Variants in PXN observed in about 807,000 individuals in gnomAD.
PXN encodes the protein testicular tissue protein Li 134.
In PXN, 61 loss-of-function variants were observed where a neutral mutation model predicts 103.6. The observed-to-expected ratio is 0.59, with a 90% CI of 0.48 to 0.73. The LOEUF (loss-of-function observed/expected upper bound fraction) is 0.73. PXN is among the 30% of genes least tolerant of loss of function. The probability of loss-of-function intolerance (pLI) is 0.00; values close to 1 mark genes in which losing one functional copy is unlikely to be tolerated. For synonymous variants in PXN, 562 were observed against 607.8 expected (o/e 0.92, Z 1.11); for missense variants, 1,274 against 1,460.3 (o/e 0.87, Z 2.08).
intron 1 of PXN, among the ~76,000 whole-genome samples, chr12:120,238,529 G>C (rs554747394): frequency 6.6e-5 from 10 of 152,326 alleles, no homozygotes; most frequent in African/African-American, 2.4e-4. Context: ...TTTATTGCAG[G>C]AGACACTCTG....
At chr12:120,244,995 A>G (rs1243850555) in intron 1 of PXN, among the ~76,000 whole-genome samples, 1 of 151,878 alleles carries the variant, frequency 6.6e-6, no homozygotes, top group Non-Finnish European at 1.5e-5. Flanking sequence ...GGGAGCTCCA[A>G]GAGGTGGGCT....
intron 1 of PXN, chr12:120,226,304 G>A: frequency 1.6e-6 from 2 of 1,289,184 alleles, no homozygotes; most frequent in Middle Eastern, 2.1e-4. Context: ...CCAGTAGGGG[G>A]CAGGAGCAGC....
chr12:120,216,968 C>G lies in PXN; in HGVS notation c.1865G>C (p.Gly622Ala). 1 of 1,541,078 alleles carries G rather than the reference C, an allele frequency of 6.5e-7. No homozygotes were observed. Among genetic ancestry groups the G allele is most frequent in the Non-Finnish European group, 8.7e-7 (1 of 1,149,568 alleles). The stretch of plus-strand genomic sequence containing the variant: ...CGGCTCCTCTGCCTCAGGCTGGATG[C>G]CCAGCCGCCCCTGCAGCTCCGCGAT... ...QLIAELQGRL[G>A]IQPEAEEPAE... Residue 622 changes from glycine (G) to alanine (A), a missense_variant, in exon 8 of 15, where the codon GGC becomes GCC. Gly to Ala is a moderately conservative substitution (Grantham distance 60). Transcript: ENST00000637617. The surrounding 1 kb of genome is among the most constrained non-coding windows in gnomAD (Gnocchi z 5.1).
At chr12:120,260,033 G>A (rs1893629956) in intron 1 of PXN, among the ~76,000 whole-genome samples, 1 of 152,182 alleles carries the variant, frequency 6.6e-6, no homozygotes, top group South Asian at 2.1e-4. Flanking sequence ...AGAGGAGGTG[G>A]CAAGGGACCA....
At chr12:120,240,122 C>A (rs1370634502) in intron 1 of PXN, among the ~76,000 whole-genome samples, 1 of 152,110 alleles carries the variant, frequency 6.6e-6, no homozygotes, top group East Asian at 1.9e-4. Flanking sequence ...ATAATAACTG[C>A]CCCTTATATA....
intron 1 of PXN, among the ~76,000 whole-genome samples, chr12:120,244,826 CAAAT>C (rs1175399458): frequency 2.0e-5 from 3 of 150,356 alleles, no homozygotes; most frequent in South Asian, 2.1e-4. Flanking sequence ...TGTCTCAAAA[CAAAT>C]AAATAAATAA....
rs767381103 is a variant in PXN, at chr12:120,216,861, C to A, written c.1972G>T (p.Gly658Trp). 1 of 1,510,502 alleles carries A rather than the reference C, an allele frequency of 6.6e-7. No homozygotes were observed. The highest frequency in any genetic ancestry group is 1.3e-5 in the South Asian group (1 of 79,054). The allele number at this position is 1,510,502 out of a possible 1,614,324, so 93.6% of individuals were successfully genotyped here. A position where few individuals can be genotyped will look rare whatever the true frequency, so the allele number is the denominator to read the frequency against. Residue 658 changes from glycine (G) to tryptophan (W), a missense_variant, in exon 8 of 15, where the codon GGG becomes TGG. Physicochemically the swap from Gly to Trp is radical, Grantham distance 184. Transcript: ENST00000637617. This position sits in a 1 kb window ranked among gnomAD's most constrained non-coding sequence, Gnocchi z 5.1. Reference sequence around the variant, plus strand: ...GCCACCTTCTCTACGAGCTGCCCCCCGGCCCGCTTCCCACGTGGCTGCACA... The same window carrying A: ...GCCACCTTCTCTACGAGCTGCCCCCAGGCCCGCTTCCCACGTGGCTGCACA... ...ITVQPRGKRA[G>W]GQLVEKVVFP...
chr12:120,215,039 C>G lies in PXN; in HGVS notation c.2575-41G>C, dbSNP rs541272967. The G allele has an allele frequency of 6.2e-7, 1 of 1,603,754 alleles. No homozygotes were observed. The highest frequency in any genetic ancestry group is 8.5e-7 in the Non-Finnish European group (1 of 1,175,188). ...AATGCGGTCCAGGGCCAAGGCCAGC[C>G]CCGGAGCACCCCCACCCCTGCAGGA... On this transcript the variant is annotated intron_variant, in intron 11 of 14. Transcript: ENST00000637617. This position sits in a 1 kb window ranked among gnomAD's most constrained non-coding sequence, Gnocchi z 4.9.
Position 120,225,991 on chromosome 12 carries a change from A to T in PXN, c.14-1614T>A, listed in dbSNP as rs989103573. 1.0e-6 allele frequency: 1 copy of T among 981,168 alleles called. No homozygotes were observed. The highest frequency in any genetic ancestry group is 1.3e-6 in the Non-Finnish European group (1 of 794,288). 60.8% of individuals were successfully genotyped at this position (981,168 alleles called of 1,614,324 possible). On this transcript the variant is annotated intron_variant, in intron 1 of 14. Transcript: ENST00000637617. This position sits in a 1 kb window ranked among gnomAD's most constrained non-coding sequence, Gnocchi z 4.4. ...GGTCTGGTCGCCTGACCTCCAAGGAAGTTCAGGTCCTACAGCCCGCCCCGC... is the reference window on the plus strand; with the variant it reads ...GGTCTGGTCGCCTGACCTCCAAGGATGTTCAGGTCCTACAGCCCGCCCCGC...
chr12:120,258,442 G>C (rs35871332), intron 1 of PXN, among the ~76,000 whole-genome samples: 1 of 151,930 alleles, frequency 6.6e-6, no homozygotes, highest in Non-Finnish European at 1.5e-5. Context: ...GTCACCTGAG[G>C]CCCCCCCAGC....
In PXN at chr12:120,214,857, G is replaced by A. The variant is rs1010415239; in HGVS notation, c.2716C>T (p.Arg906Cys). 4.3e-6 allele frequency: 7 copies of A among 1,613,876 alleles called. No homozygotes were observed. Among genetic ancestry groups the A allele is most frequent in the Middle Eastern group, 1.6e-4 (1 of 6,084 alleles). The change falls in exon 12 of 15, where the codon CGC becomes TGC. Residue 906 changes from arginine (R) to cysteine (C), a missense_variant. Around this residue, in one of 2 missense-constraint regions of PXN, gnomAD observed 1,178 missense variants for 1,309.0 expected, o/e 0.90. Transcript: ENST00000637617. This position sits in a 1 kb window ranked among gnomAD's most constrained non-coding sequence, Gnocchi z 5.0. ...EKDYHNLFSP[R>C]CYYCNGPILD... ...ATGGGGCCGTTGCAGTAGTAGCAGCGCGGGGAGAAGAGGTTGTGGTAGTCC... is the reference window on the plus strand; with the variant it reads ...ATGGGGCCGTTGCAGTAGTAGCAGCACGGGGAGAAGAGGTTGTGGTAGTCC...
Position 120,214,890 on chromosome 12 carries a change from A to G in PXN, c.2683T>C (p.Cys895Arg). The part of the protein sequence containing the change: ...NFFERDGQPY[C>R]EKDYHNLFSP... ...AAGAGGTTGTGGTAGTCCTTTTCAC[A>G]GTAGGGCTGTCCATCCCGCTCGAAG... Residue 895 changes from cysteine to arginine, a missense_variant, in exon 12 of 15, where the codon TGT (cysteine) becomes CGT (arginine). Coordinates refer to ENST00000637617, the MANE Select transcript of PXN (RefSeq NM_001385981.1). The surrounding 1 kb of genome is among the most constrained non-coding windows in gnomAD (Gnocchi z 5.0). The G allele has an allele frequency of 6.2e-7, 1 of 1,614,018 alleles. No individual in the cohort carries two copies. Among genetic ancestry groups the G allele is most frequent in the Non-Finnish European group, 8.5e-7 (1 of 1,179,866 alleles).
rs1185088173 is a variant in PXN, at chr12:120,265,695, C to T, written c.-66G>A. On this transcript the variant is annotated 5_prime_UTR_variant, in exon 1 of 15. Transcript: ENST00000637617. This position sits in a 1 kb window ranked among gnomAD's most constrained non-coding sequence, Gnocchi z 5.7. ...CCGTCCCGGGGCCGCTCGTCTATGCCCCGCAACTTTTCCGCCGCGAGCCTC... is the reference window on the plus strand; with the variant it reads ...CCGTCCCGGGGCCGCTCGTCTATGCTCCGCAACTTTTCCGCCGCGAGCCTC... 3.8e-6 allele frequency: 5 copies of T among 1,310,920 alleles called. No homozygotes were observed. Among genetic ancestry groups the T allele is most frequent in the Non-Finnish European group, 4.9e-6 (5 of 1,025,340 alleles). The allele number at this position is 1,310,920 out of a possible 1,614,324, so 81.2% of individuals were successfully genotyped here.
rs1406406669 is a variant in PXN at position 120,212,556 on chromosome 12, C to T, written c.3004G>A (p.Gly1002Ser). 8.1e-6 allele frequency: 13 copies of T among 1,613,038 alleles called. No homozygotes were observed. The highest frequency in any genetic ancestry group is 1.1e-5 in the South Asian group (1 of 91,048). The change falls in exon 15 of 15, where the codon GGC (glycine) becomes AGC (serine). Residue 1002 changes from glycine to serine, a missense_variant. Physicochemically the swap from Gly to Ser is moderately conservative, Grantham distance 56. Around this residue, in one of 2 missense-constraint regions of PXN, gnomAD observed 96 missense variants for 151.3 expected, o/e 0.63. Transcript: ENST00000637617. This position sits in a 1 kb window ranked among gnomAD's most constrained non-coding sequence, Gnocchi z 7.2. ...CRECFTPFVN[G>S]SFFEHDGQPY... ...TGCCCGTCGTGCTCGAAGAAGCTGCCGTTCACGAATGGCGTGAAGCATTCC... is the reference window on the plus strand; with the variant it reads ...TGCCCGTCGTGCTCGAAGAAGCTGCTGTTCACGAATGGCGTGAAGCATTCC...
chr12:120,239,155 TG>T (rs1296398587), intron 1 of PXN, among the ~76,000 whole-genome samples: 1 of 152,116 alleles, frequency 6.6e-6, no homozygotes, highest in African/African-American at 2.4e-5. Context: ...TTTTAAAGGG[TG>T]GAAGTTTCTG....
Position 120,214,934 on chromosome 12 carries a change from T to C in PXN, c.2639A>G (p.Glu880Gly). Residue 880 changes from glutamate (E) to glycine (G), a missense_variant, in exon 12 of 15, where the codon GAG becomes GGG. Glu to Gly is a moderately conservative substitution (Grantham distance 98, BLOSUM62 -2). Transcript: ENST00000637617. The surrounding 1 kb of genome is among the most constrained non-coding windows in gnomAD (Gnocchi z 5.0). The part of the protein sequence containing the change: ...EHFVCTHCQE[E>G]IGSRNFFERD... Reference sequence around the variant, plus strand: ...CTCGAAGAAGTTCCGGGATCCGATCTCCTCCTGGCAGTGGGTGCAGACGAA... The same window carrying C: ...CTCGAAGAAGTTCCGGGATCCGATCCCCTCCTGGCAGTGGGTGCAGACGAA... 1 of 1,613,946 alleles carries C rather than the reference T, an allele frequency of 6.2e-7. No homozygotes were observed. Among genetic ancestry groups the C allele is most frequent in the Non-Finnish European group, 8.5e-7 (1 of 1,179,824 alleles).
In PXN at chr12:120,220,651, G is replaced by C. The variant is rs1301728329; in HGVS notation, c.832-560C>G. Among the ~76,000 whole-genome samples the C allele has an allele frequency of 6.6e-6, 1 of 152,188 alleles. No individual in the cohort carries two copies. The highest frequency in any genetic ancestry group is 1.5e-5 in the Non-Finnish European group (1 of 68,030). On this transcript the variant is annotated intron_variant, in intron 6 of 14. Transcript: ENST00000637617. This position sits in a 1 kb window ranked among gnomAD's most constrained non-coding sequence, Gnocchi z 6.1. ...ACCGGGGCACAGCTCCCTCAGGCCA[G>C]GCCCTGAATCCAACTTACTTGCTTC...
In PXN at chr12:120,213,986, G is replaced by C. The variant is rs1566350387; in HGVS notation, c.2835C>G (p.Phe945Leu). The change falls in exon 14 of 15, where the codon TTC becomes TTG. Residue 945 changes from phenylalanine to leucine, a missense_variant. By Grantham distance (22) the Phe-to-Leu change is conservative. Coordinates refer to ENST00000637617, the MANE Select transcript of PXN (RefSeq NM_001385981.1). The surrounding 1 kb of genome is among the most constrained non-coding windows in gnomAD (Gnocchi z 4.2). ...QCGAFFGPEG[F>L]HEKDGKAYCR... is the part of the protein sequence containing the mutation. ...AGTAGGCCTTGCCGTCCTTCTCGTG[G>C]AACCCTGGGGAGCGGGGGTTTTGGA... 6.2e-7 allele frequency: 1 copy of C among 1,611,876 alleles called. No individual in the cohort carries two copies. The highest frequency in any genetic ancestry group is 1.7e-5 in the Admixed American group (1 of 59,724).
In PXN at chr12:120,217,734, C is replaced by T. The variant is rs1883666634; in HGVS notation, c.1717-618G>A. On this transcript the variant is annotated intron_variant, in intron 7 of 14. Transcript: ENST00000637617. The surrounding 1 kb of genome is among the most constrained non-coding windows in gnomAD (Gnocchi z 4.1). ...AGCTGGGATTAAAGGCATGCACCACCACGCCTGGCTAATTTTTGTTGTTGT... is the reference window on the plus strand; with the variant it reads ...AGCTGGGATTAAAGGCATGCACCACTACGCCTGGCTAATTTTTGTTGTTGT... Among the ~76,000 whole-genome samples the T allele has an allele frequency of 6.6e-6, 1 of 151,492 alleles. No individual in the cohort carries two copies. The highest frequency in any genetic ancestry group is 2.1e-4 in the South Asian group (1 of 4,788).
Sources: allele counts gnomAD v4.1 joint callset (sites outside exome capture counted in the v4.1 genomes callset), GRCh38; gene constraint gnomAD v4.1.1; regional missense constraint gnomAD v4.1.1; non-coding constraint Gnocchi (gnomAD v3.1); transcripts MANE v1.5; gene names NCBI Gene and HGNC (gene_info 2026-07-23, HGNC 2026-07-21).